The following RABGEF1 variants were observed in gnomAD, a reference collection of about 807,000 sequenced individuals.
RABGEF1 encodes RAB guanine nucleotide exchange factor 1, also known as rab5 GDP/GTP exchange factor.
In RABGEF1, 26 loss-of-function variants were observed where a neutral mutation model predicts 57.3. That is an observed-to-expected ratio of 0.45 (90% CI 0.33 to 0.63). The LOEUF is 0.63. RABGEF1 is among the 20% of genes least tolerant of loss of function. The probability of loss-of-function intolerance (pLI) is 0.02; values close to 1 mark genes in which losing one functional copy is unlikely to be tolerated. For missense variants in RABGEF1, 464 were observed against 607.6 expected, an observed-to-expected ratio of 0.76 and a Z score of 2.48; for synonymous variants, 185 against 210.7, an observed-to-expected ratio of 0.88 and a Z score of 1.06.
the RABGEF1 span, among the ~76,000 whole-genome samples, chr7:66,656,258 A>C: frequency 6.6e-6 from 1 of 152,154 alleles, no homozygotes; most frequent in East Asian, 1.9e-4. Flanking sequence ...CTGAGACTGC[A>C]GATGCGTGCC....
chr7:66,808,913 C>A lies in RABGEF1; in HGVS notation c.1105C>A (p.Leu369Ile). The change falls in exon 9 of 9, where the codon CTA becomes ATA. Residue 369 changes from leucine to isoleucine, a missense_variant. Transcript: ENST00000284957. ...LCCAVAFIEK[L>I]DAQSLNLSQE... is the part of the protein sequence containing the mutation. ...CTGTGCTGTGGCTTTCATTGAGAAG[C>A]TAGACGCCCAGTCTTTGAATCTAAG... The A allele has an allele frequency of 6.2e-7, 1 of 1,607,346 alleles. No homozygotes were observed. Among genetic ancestry groups the A allele is most frequent in the Non-Finnish European group, 8.5e-7 (1 of 1,174,346 alleles).
chr7:66,701,061 A>G (rs1483651308), intron 1 of RABGEF1, among the ~76,000 whole-genome samples: 1 of 150,694 alleles, frequency 6.6e-6, no homozygotes, highest in Admixed American at 6.7e-5. Context: ...GAGGCTAGAT[A>G]GAGGCCTGGC....
At chr7:66,774,103 AC>A (rs925003421) in intron 2 of RABGEF1, among the ~76,000 whole-genome samples, 2 of 152,222 alleles carry the variant, frequency 1.3e-5, no homozygotes, top group Non-Finnish European at 2.9e-5. Flanking sequence ...ATCACTACTT[AC>A]CAAGTTAGCT....
At chr7:66,761,404 C>T (rs556410263) in intron 1 of RABGEF1, among the ~76,000 whole-genome samples, 7 of 152,288 alleles carry the variant, frequency 4.6e-5, no homozygotes, top group African/African-American at 1.4e-4. Context: ...TTACAGAACT[C>T]AGGGAGATGC....
At chr7:66,770,222 A>C (rs1481636710) in intron 1 of RABGEF1, 3 of 152,232 alleles carry the variant, frequency 2.0e-5, no homozygotes, top group Admixed American at 6.5e-5. Context: ...GAGTTAAATT[A>C]ATAAGATCCC....
chr7:66,730,066 G>C (rs977267744), intron 2 of RABGEF1, among the ~76,000 whole-genome samples: 8 of 152,304 alleles, frequency 5.3e-5, no homozygotes, highest in African/African-American at 1.9e-4. Flanking sequence ...ATAGACTCAG[G>C]GTGGCCTCCA....
chr7:66,778,491 A>G (rs1231501065), intron 3 of RABGEF1, among the ~76,000 whole-genome samples: 2 of 152,234 alleles, frequency 1.3e-5, no homozygotes. Flanking sequence ...TATACATTCC[A>G]AAGTGCCCTT....
chr7:66,806,405 C>A (rs1037889667), intron 8 of RABGEF1, among the ~76,000 whole-genome samples: 1 of 152,072 alleles, frequency 6.6e-6, no homozygotes, highest in Non-Finnish European at 1.5e-5. Context: ...AAACTTGGAC[C>A]TGCCCCCATC....
At chr7:66,802,807 G>T (rs1787589664) in intron 7 of RABGEF1, among the ~76,000 whole-genome samples, 1 of 152,054 alleles carries the variant, frequency 6.6e-6, no homozygotes, top group African/African-American at 2.4e-5. Flanking sequence ...CTGCCTTATG[G>T]CAATAGCAGC....
intron 1 of RABGEF1, 41 bp downstream of exon 1, chr7:66,740,833 T>G (rs1798738905): frequency 6.6e-6 from 1 of 151,986 alleles, no homozygotes; most frequent in South Asian, 2.1e-4. Flanking sequence ...TGCTCGGCTC[T>G]CAGCTACAGG....
At chr7:66,755,111 A>G (rs1462914372) in intron 1 of RABGEF1, among the ~76,000 whole-genome samples, 1 of 152,010 alleles carries the variant, frequency 6.6e-6, no homozygotes, top group East Asian at 1.9e-4. Flanking sequence ...TGGCTAACAC[A>G]GTAAAACCTG....
chr7:66,786,368 A>T (rs1175131887), intron 4 of RABGEF1, among the ~76,000 whole-genome samples: 1 of 152,194 alleles, frequency 6.6e-6, no homozygotes, highest in Non-Finnish European at 1.5e-5. Flanking sequence ...ATAATGCTTT[A>T]CTATGCAACA....
intron 1 of RABGEF1, among the ~76,000 whole-genome samples, chr7:66,702,349 G>T (rs1420356176): frequency 2.1e-5 from 1 of 47,692 alleles, no homozygotes; most frequent in Non-Finnish European, 3.6e-5. Flanking sequence ...TGTTTTGTTT[G>T]TGTGTGTGTG....
intron 1 of RABGEF1, among the ~76,000 whole-genome samples, chr7:66,708,476 C>CG (rs769169692): frequency 6.6e-6 from 1 of 151,618 alleles, no homozygotes; most frequent in Admixed American, 6.6e-5. Flanking sequence ...TTAGTAGAGA[C>CG]GGGGTTTCAC....
intron 1 of RABGEF1, among the ~76,000 whole-genome samples, chr7:66,695,490 G>T (rs1792186254): frequency 6.6e-6 from 1 of 152,192 alleles, no homozygotes; most frequent in African/African-American, 2.4e-5. Context: ...TGTCAGGGAG[G>T]AGGAGCGACC....
intron 4 of RABGEF1, among the ~76,000 whole-genome samples, chr7:66,786,477 C>T (rs1811218972): frequency 6.6e-6 from 1 of 152,136 alleles, no homozygotes; most frequent in Admixed American, 6.5e-5. Context: ...AGTTGCTGCT[C>T]ACTGCAGACT....
chr7:66,757,750 T>C (rs1299562751), intron 1 of RABGEF1, among the ~76,000 whole-genome samples: 2 of 152,216 alleles, frequency 1.3e-5, no homozygotes, highest in Non-Finnish European at 2.9e-5. Flanking sequence ...TAGCTGGGAC[T>C]ACAGGCGCCT....
chr7:66,737,245 G>C (rs929590808), upstream of RABGEF1, among the ~76,000 whole-genome samples: 1 of 151,960 alleles, frequency 6.6e-6, no homozygotes, highest in African/African-American at 2.4e-5. Context: ...TGTTTCTTGG[G>C]GGCTGTTTTT....
intron 1 of RABGEF1, among the ~76,000 whole-genome samples, chr7:66,687,958 G>A (rs547729850): frequency 2.0e-5 from 3 of 152,126 alleles, no homozygotes; most frequent in East Asian, 1.9e-4. Context: ...GGTGGTGCAT[G>A]CCTGTAATCC....
Sources: gnomAD v4.1 joint callset for allele counts (sites outside exome capture counted in the v4.1 genomes callset) on GRCh38, gnomAD v4.1.1 for gene constraint, MANE v1.5 for transcripts, NCBI Gene and HGNC (gene_info 2026-07-23, HGNC 2026-07-21) for gene names.